The following ZBTB8A variants were observed in gnomAD, a reference collection of about 807,000 sequenced individuals.
ZBTB8A encodes the protein zinc finger and BTB domain-containing protein 8A.
ZBTB8A carries 19 observed loss-of-function variants against 37.8 expected under a neutral mutation model. The observed-to-expected ratio is 0.50, with a 90% CI of 0.35 to 0.74. The LOEUF is 0.74. Ranked by LOEUF, ZBTB8A falls within the 30% of genes least tolerant of loss-of-function variation. The pLI, the probability that ZBTB8A is intolerant of heterozygous loss-of-function variation, is 0.01. For synonymous variants in ZBTB8A, 181 were observed against 185.2 expected, an observed-to-expected ratio of 0.98 and a Z score of 0.19; for missense variants, 394 against 537.8, an observed-to-expected ratio of 0.73 and a Z score of 2.65.
chr1:32,540,028 G>A (rs956813124), intron 1 of ZBTB8A, among the ~76,000 whole-genome samples: 4 of 151,848 alleles, frequency 2.6e-5, no homozygotes, highest in Non-Finnish European at 4.4e-5. Context: ...GGGCGCTGCC[G>A]GGGAACCTGG....
intron 2 of ZBTB8A, among the ~76,000 whole-genome samples, chr1:32,559,475 G>A (rs910062929): frequency 4.7e-5 from 7 of 149,742 alleles, no homozygotes; most frequent in African/African-American, 1.7e-4. Flanking sequence ...GTTTTGTTTT[G>A]TTTTTTGAGA....
intron 2 of ZBTB8A, among the ~76,000 whole-genome samples, chr1:32,562,455 G>A (rs954979319): frequency 9.2e-5 from 14 of 151,474 alleles, no homozygotes; most frequent in African/African-American, 3.4e-4. Context: ...ATTTTTAGTA[G>A]AGATGGGGTT....
At chr1:32,571,477 G>A (rs921201691) in intron 2 of ZBTB8A, among the ~76,000 whole-genome samples, 7 of 151,976 alleles carry the variant, frequency 4.6e-5, no homozygotes, top group Admixed American at 4.6e-4. Context: ...TTCTGTTAAT[G>A]TAGTGGATTG....
At chr1:32,595,756 C>T (rs1644525819) in intron 4 of ZBTB8A, among the ~76,000 whole-genome samples, 2 of 151,494 alleles carry the variant, frequency 1.3e-5, no homozygotes, top group South Asian at 4.2e-4. Context: ...CTCAAATTAT[C>T]CTCCCGCCTC....
At chr1:32,586,941 A>C (rs1198088917) in intron 2 of ZBTB8A, among the ~76,000 whole-genome samples, 2 of 152,166 alleles carry the variant, frequency 1.3e-5, no homozygotes, top group Non-Finnish European at 2.9e-5. Flanking sequence ...AGTTGCAAGG[A>C]AGCTATTAAA....
intron 1 of ZBTB8A, among the ~76,000 whole-genome samples, chr1:32,540,229 A>C (rs1283751677): frequency 1.3e-5 from 2 of 152,102 alleles, no homozygotes; most frequent in East Asian, 3.9e-4. Context: ...TTTGTGAGTT[A>C]GTCAGCGGCT....
chr1:32,558,908 A>G (rs958164368), intron 2 of ZBTB8A, among the ~76,000 whole-genome samples: 4 of 152,196 alleles, frequency 2.6e-5, no homozygotes, highest in Non-Finnish European at 4.4e-5. Context: ...AGTTCTTGAC[A>G]TTTACAATGT....
intron 1 of ZBTB8A, among the ~76,000 whole-genome samples, chr1:32,545,904 A>G (rs1180063515): frequency 2.6e-5 from 4 of 152,112 alleles, no homozygotes; most frequent in African/African-American, 9.7e-5. Context: ...CCCTTCTACT[A>G]TGAGTATTTT....
At chr1:32,588,029 G>C (rs1467237407) in intron 2 of ZBTB8A, among the ~76,000 whole-genome samples, 1 of 152,134 alleles carries the variant, frequency 6.6e-6, no homozygotes, top group East Asian at 1.9e-4. Flanking sequence ...CACTTGGGGA[G>C]GGCGTGGAAG....
intron 2 of ZBTB8A, among the ~76,000 whole-genome samples, chr1:32,587,642 A>G (rs1644459410): frequency 6.6e-6 from 1 of 152,012 alleles, no homozygotes; most frequent in African/African-American, 2.4e-5. Flanking sequence ...TAATTTTTTA[A>G]AAAAGATGCT....
chr1:32,569,921 T>C (rs886192079), intron 2 of ZBTB8A, among the ~76,000 whole-genome samples: 1 of 152,130 alleles, frequency 6.6e-6, no homozygotes, highest in African/African-American at 2.4e-5. Flanking sequence ...CTGCACTTGG[T>C]GTACTTCACA....
chr1:32,557,902 G>A (rs2148222296), intron 2 of ZBTB8A, among the ~76,000 whole-genome samples: 1 of 152,254 alleles, frequency 6.6e-6, no homozygotes, highest in African/African-American at 2.4e-5. Flanking sequence ...TTCATGCTCA[G>A]TGAGCAACAT....
chr1:32,553,936 A>G (rs1330716982), intron 2 of ZBTB8A, among the ~76,000 whole-genome samples: 1 of 150,568 alleles, frequency 6.6e-6, no homozygotes, highest in African/African-American at 2.4e-5. Context: ...ACGGTGGCTC[A>G]CGCCTGTAAT....
chr1:32,590,171 C>T (rs940461101), intron 2 of ZBTB8A, among the ~76,000 whole-genome samples: 3 of 151,430 alleles, frequency 2.0e-5, no homozygotes, highest in Non-Finnish European at 4.4e-5. Flanking sequence ...TGGGCTCAAG[C>T]GATCTGCCCA....
At chr1:32,546,515 AC>A (rs1644105559) in intron 1 of ZBTB8A, among the ~76,000 whole-genome samples, 1 of 151,848 alleles carries the variant, frequency 6.6e-6, no homozygotes, top group African/African-American at 2.4e-5. Flanking sequence ...ATGGTGGTAC[AC>A]TGTTATAGTC....
At chr1:32,584,508 C>CTTTTTTTTTTTTTTTTTTTTTT (rs1177778440) in intron 2 of ZBTB8A, among the ~76,000 whole-genome samples, 6 of 117,876 alleles carry the variant, frequency 5.1e-5, no homozygotes, top group East Asian at 5.0e-4. Flanking sequence ...TTCTTTCTTT[C>CTTTTTTTTTTTTTTTTTTTTTT]TTTTTTTTTT....
chr1:32,552,567 GA>G (rs1644165357), intron 1 of ZBTB8A, among the ~76,000 whole-genome samples: 1 of 152,092 alleles, frequency 6.6e-6, no homozygotes, highest in Non-Finnish European at 1.5e-5. Context: ...TCGGGAGGCT[GA>G]GGCAGGGGAA....
intron 2 of ZBTB8A, among the ~76,000 whole-genome samples, chr1:32,576,132 A>G (rs1338747926): frequency 6.6e-6 from 1 of 152,166 alleles, no homozygotes; most frequent in Non-Finnish European, 1.5e-5. Flanking sequence ...ATGGTCATTC[A>G]TTTACATATT....
chr1:32,578,662 C>T (rs143406651), intron 2 of ZBTB8A, among the ~76,000 whole-genome samples: 5 of 151,818 alleles, frequency 3.3e-5, no homozygotes, highest in East Asian at 1.9e-4. Flanking sequence ...TTTCTATTGA[C>T]GAATTTTTCC....
Sources: allele counts gnomAD v4.1 joint callset (sites outside exome capture counted in the v4.1 genomes callset), GRCh38; gene constraint gnomAD v4.1.1; transcripts MANE v1.5; gene names NCBI Gene and HGNC (gene_info 2026-07-23, HGNC 2026-07-21).